The following POLB variants were observed in gnomAD, a reference collection of about 807,000 sequenced individuals.
The protein encoded by POLB is 5'-dRP lyase.
In POLB, 37 loss-of-function variants were observed where a neutral mutation model predicts 52.7. The observed-to-expected ratio is 0.70, with a 90% CI of 0.54 to 0.92. The LOEUF is 0.92. Among genes scored for constraint, POLB ranks in the 40% least tolerant of loss-of-function variants. POLB has a pLI of 0.00. For missense variants in POLB, 313 were observed against 400.8 expected, an observed-to-expected ratio of 0.78 and a Z score of 1.87; for synonymous variants, 138 against 131.3, an observed-to-expected ratio of 1.05 and a Z score of -0.35.
rs1318699089 is a variant in POLB, at chr8:42,338,742, GCCTT to G, written c.61+63_61+66del. The G allele has an allele frequency of 2.6e-6, 4 of 1,520,304 alleles. No individual in the cohort carries two copies. In the African/African-American group the frequency reaches 5.5e-5, roughly 21 times the overall value. The allele number at this position is 1,520,304 out of a possible 1,614,324, so 94.2% of individuals were successfully genotyped here. On this transcript the variant is annotated intron_variant, in intron 1 of 13. Transcript: ENST00000265421. ...TTCTTTCCTTCCAGCCTCTTCCCCT[GCCTT>G]CCTTCTCTCCCACACCGACAGTCCA...
intron 11 of POLB, 48 bp from the exon 12 acceptor site, chr8:42,369,223 C>G (rs954923067): frequency 2.7e-6 from 3 of 1,098,568 alleles, no homozygotes; most frequent in African/African-American, 1.6e-5. Flanking sequence ...TAAAATTAAG[C>G]CTTAAGTTTA....
chr8:42,354,279 T>C (rs181566299), intron 6 of POLB: 1 of 362,674 alleles, frequency 2.8e-6, no homozygotes, highest in South Asian at 2.1e-5. Flanking sequence ...ATAGGAAATA[T>C]TAAGTGCTCT....
chr8:42,348,993 T>C, intron 3 of POLB, 23 bp from the exon 4 acceptor site: 1 of 1,425,204 alleles, frequency 7.0e-7, no homozygotes, highest in Non-Finnish European at 9.8e-7. Flanking sequence ...ATATGACTTT[T>C]ATATTTCTAA....
intron 3 of POLB, among the ~76,000 whole-genome samples, chr8:42,346,030 TC>T (rs1822588120): frequency 1.3e-5 from 2 of 152,086 alleles, no homozygotes; most frequent in African/African-American, 4.8e-5. Flanking sequence ...CAGGTGATTC[TC>T]CTGCCTCAGC....
At chr8:42,371,469 G>T in intron 13 of POLB, 94 bp from the exon 14 acceptor site, 10 of 500,194 alleles carry the variant, frequency 2.0e-5, no homozygotes, top group East Asian at 6.8e-5. Context: ...TTTTTCTTCT[G>T]AAAGCAAGTC....
At chr8:42,349,200 A>T (rs961954249) in intron 4 of POLB, 110 bp downstream of exon 4, 19 of 620,106 alleles carry the variant, frequency 3.1e-5, no homozygotes, top group Non-Finnish European at 5.2e-5. Flanking sequence ...GACTCACAGG[A>T]AATGAGGTGA....
chr8:42,339,744 T>C (rs532560143), intron 2 of POLB: 24 of 152,020 alleles, frequency 1.6e-4, no homozygotes, highest in African/African-American at 5.8e-4. Context: ...TTTTTTCTTT[T>C]TTTTTTTGTA....
chr8:42,344,072 A>G (rs1466284119), intron 2 of POLB, among the ~76,000 whole-genome samples: 1 of 150,004 alleles, frequency 6.7e-6, no homozygotes, highest in Non-Finnish European at 1.5e-5. Flanking sequence ...CGGAGGTGAC[A>G]GTGAGCTGAG....
At chr8:42,349,383 CTTTA>C (rs1822826851) in intron 4 of POLB, 1 of 209,222 alleles carries the variant, frequency 4.8e-6, no homozygotes, top group African/African-American at 2.3e-5. Context: ...TTTAGAATTT[CTTTA>C]TTTCTTTATT....
rs1054420976 is a variant in POLB at position 42,342,264 on chromosome 8, C to T, written c.120-2689C>T. The T allele has an allele frequency of 2.6e-6, 4 of 1,545,022 alleles. No homozygotes were observed. The African/African-American group carries it at 4.1e-5, about 16-fold the overall frequency. Reference sequence around the variant, plus strand: ...TCTACATTGTATTATCGCCAGTCACCTCCACTTGGCCTTCATAGATCTTGT... The same window carrying T: ...TCTACATTGTATTATCGCCAGTCACTTCCACTTGGCCTTCATAGATCTTGT... On this transcript the variant is annotated intron_variant, in intron 2 of 13. Transcript: ENST00000265421.
At chr8:42,370,441 A>G (rs893908796) in intron 13 of POLB, among the ~76,000 whole-genome samples, 1 of 152,138 alleles carries the variant, frequency 6.6e-6, no homozygotes, top group African/African-American at 2.4e-5. Context: ...GGGTTCTGTT[A>G]ACATTTCACA....
intron 11 of POLB, among the ~76,000 whole-genome samples, chr8:42,364,052 G>A (rs1329967464): frequency 6.7e-6 from 1 of 149,978 alleles, no homozygotes; most frequent in Non-Finnish European, 1.5e-5. Flanking sequence ...TCACCCTCCC[G>A]AGTAGCTGGA....
At chr8:42,356,554 TATCTC>T (rs779450400) in intron 7 of POLB, among the ~76,000 whole-genome samples, 7 of 152,194 alleles carry the variant, frequency 4.6e-5, no homozygotes. Context: ...ACATTTTTGT[TATCTC>T]AGAAAGAACC....
At chr8:42,363,527 C>CAAAAAAAA (rs1163249252) in intron 11 of POLB, among the ~76,000 whole-genome samples, 2 of 15,820 alleles carry the variant, frequency 1.3e-4, no homozygotes, top group Non-Finnish European at 3.6e-4. Flanking sequence ...GACTCTGTCT[C>CAAAAAAAA]AAAAAAAAAA....
rs747152490 is a variant in POLB, at chr8:42,369,838, AT to A, written c.774-3del. On this transcript the variant is annotated splice_polypyrimidine_tract_variant and intron_variant, in intron 12 of 13. Transcript: ENST00000265421. ...TGGTAAAAAAATGTATCTACTGTCC[AT>A]TTTTTTTAGGTTGATACCCAAAGAT... 1.0e-4 allele frequency: 162 copies of A among 1,553,786 alleles called. No individual in the cohort carries two copies. Among genetic ancestry groups the A allele is most frequent in the South Asian group, 1.4e-4 (12 of 83,876 alleles).
chr8:42,369,418 C>T, intron 12 of POLB, 83 bp downstream of exon 12: 1 of 794,154 alleles, frequency 1.3e-6, no homozygotes, highest in Non-Finnish European at 2.2e-6. Flanking sequence ...TCTTGGAGTT[C>T]ACATTCATAT....
intron 11 of POLB, among the ~76,000 whole-genome samples, chr8:42,368,093 A>G (rs1219525867): frequency 6.6e-6 from 1 of 152,260 alleles, no homozygotes; most frequent in Non-Finnish European, 1.5e-5. Context: ...CACTTCAGAA[A>G]AAGTGCAGGA....
At position 42,351,353 on chromosome 8, in the gene POLB, G is replaced by A. The variant is rs1050021725; in HGVS notation, c.321-1166G>A. Reference sequence around the variant, plus strand: ...ATCAGTTTCTATATCACAATATAATGTGATGATATTTGCATAGCTTACTGA... The same window carrying A: ...ATCAGTTTCTATATCACAATATAATATGATGATATTTGCATAGCTTACTGA... On this transcript the variant is annotated intron_variant, in intron 5 of 13. Coordinates refer to ENST00000265421, the MANE Select transcript of POLB (RefSeq NM_002690.3). Among the ~76,000 whole-genome samples the A allele has an allele frequency of 2.0e-5, 3 of 152,162 alleles. No homozygotes were observed. In the South Asian group the frequency reaches 6.2e-4, roughly 31 times the overall value.
intron 4 of POLB, chr8:42,349,324 G>C (rs1822823483): frequency 2.8e-6 from 1 of 357,550 alleles, no homozygotes; most frequent in Admixed American, 4.5e-5. Flanking sequence ...ATCGTTTTCA[G>C]TACTATTCAG....
Sources: gnomAD v4.1 joint callset for allele counts (sites outside exome capture counted in the v4.1 genomes callset) on GRCh38, gnomAD v4.1.1 for gene constraint, MANE v1.5 for transcripts, NCBI Gene and HGNC (gene_info 2026-07-23, HGNC 2026-07-21) for gene names.